Variants in SV2C observed in about 807,000 individuals in gnomAD.
SV2C encodes the protein synaptic vesicle glycoprotein 2C, also known as solute carrier family 22 member B3.
SV2C carries 49 observed loss-of-function variants against 79.7 expected under a neutral mutation model. That is an observed-to-expected ratio of 0.61 (90% CI 0.49 to 0.78). The LOEUF (loss-of-function observed/expected upper bound fraction) is 0.78, where lower values mean the gene tolerates loss of function less well. Ranked by LOEUF, SV2C falls within the 30% of genes least tolerant of loss-of-function variation. The pLI, the probability that SV2C is intolerant of heterozygous loss-of-function variation, is 0.00. For missense variants in SV2C, 833 were observed against 912.9 expected (o/e 0.91, Z 1.13); for synonymous variants, 334 against 333.2 (o/e 1.00, Z -0.03).
At chr5:76,043,582 C>T in the SV2C span, among the ~76,000 whole-genome samples, 1 of 152,192 alleles carries the variant, frequency 6.6e-6, no homozygotes, top group African/African-American at 2.4e-5. Context: ...ATCTCCCAAC[C>T]CCATTCCACC....
At chr5:76,173,807 A>G (rs1224625886) in intron 2 of SV2C, 4 of 1,602,030 alleles carry the variant, frequency 2.5e-6, no homozygotes, top group Non-Finnish European at 3.4e-6. Context: ...TTCCTTCCCT[A>G]CAACTCTTTC....
intron 4 of SV2C, among the ~76,000 whole-genome samples, chr5:76,232,390 C>T (rs1745447497): frequency 6.7e-6 from 1 of 150,214 alleles, no homozygotes; most frequent in Non-Finnish European, 1.5e-5. Context: ...TTGTAGGTTG[C>T]CTGTTCACTC....
chr5:76,168,017 C>T (rs550680868), intron 2 of SV2C, among the ~76,000 whole-genome samples: 5 of 152,254 alleles, frequency 3.3e-5, no homozygotes, highest in African/African-American at 9.6e-5. Context: ...GAAATCCAGT[C>T]GTTTGTAAAT....
At chr5:76,006,513 C>T in the SV2C span, among the ~76,000 whole-genome samples, 1 of 152,162 alleles carries the variant, frequency 6.6e-6, no homozygotes. Context: ...ACCATCAGAA[C>T]TCTTTATTAG....
intron 4 of SV2C, among the ~76,000 whole-genome samples, chr5:76,224,073 A>G (rs929739219): frequency 1.3e-5 from 2 of 152,150 alleles, no homozygotes; most frequent in African/African-American, 2.4e-5. Flanking sequence ...AGCTTCCACA[A>G]TGAATCTGAG....
At chr5:75,970,086 CA>C in the SV2C span, among the ~76,000 whole-genome samples, 1 of 152,088 alleles carries the variant, frequency 6.6e-6, no homozygotes, top group East Asian at 1.9e-4. Context: ...GGGTACATAA[CA>C]AAATGAAGGC....
intron 1 of SV2C, among the ~76,000 whole-genome samples, chr5:76,095,090 AT>A (rs1191806544): frequency 2.0e-5 from 3 of 151,914 alleles, no homozygotes; most frequent in Non-Finnish European, 4.4e-5. Context: ...ACATTTTATA[AT>A]TGGGTCTATA....
intron 12 of SV2C, among the ~76,000 whole-genome samples, chr5:76,302,534 G>A (rs560944093): frequency 1.1e-4 from 16 of 150,356 alleles, no homozygotes; most frequent in African/African-American, 3.9e-4. Flanking sequence ...GGAGGCTAAG[G>A]CACGAGAATG....
chr5:76,033,048 T>C, the SV2C span, among the ~76,000 whole-genome samples: 1 of 152,202 alleles, frequency 6.6e-6, no homozygotes, highest in Admixed American at 6.5e-5. Context: ...ATGTCTTCTT[T>C]TGAGAAGTGT....
At chr5:76,181,014 C>T (rs1355965364) in intron 2 of SV2C, among the ~76,000 whole-genome samples, 1 of 152,172 alleles carries the variant, frequency 6.6e-6, no homozygotes, top group Non-Finnish European at 1.5e-5. Flanking sequence ...TCTCAACTGC[C>T]CTGCTATGCT....
the SV2C span, chr5:75,910,860 G>T: frequency 8.7e-7 from 1 of 1,148,792 alleles, no homozygotes; most frequent in Admixed American, 1.7e-5. Context: ...AAGCTGAACT[G>T]CAATCTCTAT....
chr5:76,267,944 C>A (rs762545040), intron 4 of SV2C, among the ~76,000 whole-genome samples: 2 of 152,156 alleles, frequency 1.3e-5, no homozygotes, highest in African/African-American at 4.8e-5. Flanking sequence ...TTGTTTGGAT[C>A]CCACACAAGC....
At chr5:76,252,142 C>G (rs968731323) in intron 4 of SV2C, among the ~76,000 whole-genome samples, 1 of 152,106 alleles carries the variant, frequency 6.6e-6, no homozygotes, top group Non-Finnish European at 1.5e-5. Flanking sequence ...GTTTTTGAGA[C>G]AGAATCTCAC....
intron 12 of SV2C, among the ~76,000 whole-genome samples, chr5:76,352,744 T>G (rs748997423): frequency 6.6e-6 from 1 of 152,168 alleles, no homozygotes; most frequent in South Asian, 2.1e-4. Context: ...CCAAATTCTC[T>G]TTTGGTCTTT....
the SV2C span, among the ~76,000 whole-genome samples, chr5:75,997,108 A>C: frequency 2.0e-5 from 3 of 151,060 alleles, no homozygotes; most frequent in Non-Finnish European, 4.4e-5. Flanking sequence ...GCAGTATGAT[A>C]TTGGCTGTGG....
chr5:76,067,755 A>G, the SV2C span, among the ~76,000 whole-genome samples: 2 of 152,028 alleles, frequency 1.3e-5, no homozygotes, highest in African/African-American at 2.4e-5. Context: ...CATTTCTTAT[A>G]TATCTTTTAG....
chr5:76,261,536 C>T (rs573705521), intron 4 of SV2C, among the ~76,000 whole-genome samples: 20 of 152,142 alleles, frequency 1.3e-4, no homozygotes, highest in African/African-American at 3.9e-4. Flanking sequence ...TCAAAGGGAA[C>T]GCTTCTAGTT....
At chr5:76,281,506 A>C (rs1244791080) in intron 4 of SV2C, among the ~76,000 whole-genome samples, 2 of 152,204 alleles carry the variant, frequency 1.3e-5, no homozygotes, top group East Asian at 3.8e-4. Flanking sequence ...TGTAAGAAGA[A>C]GTGTATTGGT....
At chr5:75,910,335 A>G in the SV2C span, 1 of 551,192 alleles carries the variant, frequency 1.8e-6, no homozygotes. Flanking sequence ...TAGTCTTCCC[A>G]AAGGAGATCA....
Sources: allele counts gnomAD v4.1 joint callset (sites outside exome capture counted in the v4.1 genomes callset), GRCh38; gene constraint gnomAD v4.1.1; transcripts MANE v1.5; gene names NCBI Gene and HGNC (gene_info 2026-07-23, HGNC 2026-07-21).